PDIA5: variants seen among roughly 807,000 people sequenced by gnomAD.
The protein encoded by PDIA5 is protein disulfide isomerase family A member 5.
A neutral mutation model predicts 77.6 loss-of-function variants in PDIA5; 58 were observed. That is an observed-to-expected ratio of 0.75 (90% confidence interval 0.61 to 0.93). The LOEUF is 0.93. Ranked by LOEUF, PDIA5 falls within the 40% of genes least tolerant of loss-of-function variation. The pLI, the probability that PDIA5 is intolerant of heterozygous loss-of-function variation, is 0.00. For missense variants in PDIA5, 630 were observed against 647.7 expected, an observed-to-expected ratio of 0.97 and a Z score of 0.30; for synonymous variants, 250 against 252.1, an observed-to-expected ratio of 0.99 and a Z score of 0.08.
chr3:123,115,952 G>A (rs1934986923), intron 7 of PDIA5, among the ~76,000 whole-genome samples: 1 of 152,224 alleles, frequency 6.6e-6, no homozygotes, highest in Non-Finnish European at 1.5e-5. Context: ...TCTGGGCTCT[G>A]CTCTTCTCCC....
chr3:123,073,240 G>A (rs1313656193), intron 1 of PDIA5, among the ~76,000 whole-genome samples: 2 of 152,232 alleles, frequency 1.3e-5, no homozygotes, highest in East Asian at 3.9e-4. Flanking sequence ...CCTGGAGAGG[G>A]ATGGGTGGCT....
chr3:123,114,888 G>A (rs1210399580), intron 7 of PDIA5, among the ~76,000 whole-genome samples: 4 of 152,220 alleles, frequency 2.6e-5, no homozygotes, highest in African/African-American at 7.2e-5. Flanking sequence ...GTACTGGGGT[G>A]TGTGTGAGTC....
At chr3:123,125,388 G>A (rs1935219849) in intron 10 of PDIA5, among the ~76,000 whole-genome samples, 1 of 152,140 alleles carries the variant, frequency 6.6e-6, no homozygotes, top group African/African-American at 2.4e-5. Context: ...GGTCCCTGAG[G>A]CACAGTAAAG....
chr3:123,120,010 G>A (rs548916992), intron 8 of PDIA5, among the ~76,000 whole-genome samples: 9 of 152,228 alleles, frequency 5.9e-5, no homozygotes, highest in South Asian at 4.1e-4. Flanking sequence ...GTGACTCATC[G>A]CGTCTGTCCC....
intron 1 of PDIA5, among the ~76,000 whole-genome samples, chr3:123,086,373 C>G (rs1934138421): frequency 1.3e-5 from 2 of 152,190 alleles, no homozygotes; most frequent in Admixed American, 1.3e-4. Flanking sequence ...GGCATCTTAG[C>G]TATTGAGTGA....
chr3:123,151,951 T>G lies in PDIA5; in HGVS notation c.1273+1587T>G, dbSNP rs1045353111. ...TTCCTGCCTTCCTTCCTGCCTGCCTTCCTTCCTGCCTGCCTTCCTTCCTGC... is the reference window on the plus strand; with the variant it reads ...TTCCTGCCTTCCTTCCTGCCTGCCTGCCTTCCTGCCTGCCTTCCTTCCTGC... On this transcript the variant is annotated intron_variant, in intron 14 of 16. Coordinates refer to ENST00000316218, the MANE Select transcript of PDIA5 (RefSeq NM_006810.4). Among the ~76,000 whole-genome samples, 9 of 136,036 alleles carry G rather than the reference T, an allele frequency of 6.6e-5. No individual in the cohort carries two copies. The East Asian group carries it at 6.9e-4, about 10-fold the overall frequency. The allele number at this position is 136,036 out of a possible 152,430, so 89.2% of individuals were successfully genotyped here.
intron 7 of PDIA5, among the ~76,000 whole-genome samples, chr3:123,112,862 C>A (rs992608542): frequency 6.6e-6 from 1 of 152,050 alleles, no homozygotes. Flanking sequence ...GCCCGGCCCC[C>A]CAAGCCCTGT....
intron 1 of PDIA5, among the ~76,000 whole-genome samples, chr3:123,074,378 G>A (rs113524476): frequency 2.8e-4 from 42 of 152,170 alleles, no homozygotes; most frequent in Non-Finnish European, 5.0e-4. Flanking sequence ...CTAATTCAAG[G>A]AGTCAGGAAA....
intron 1 of PDIA5, among the ~76,000 whole-genome samples, chr3:123,069,656 G>A (rs887226089): frequency 2.6e-5 from 4 of 152,046 alleles, no homozygotes; most frequent in African/African-American, 9.7e-5. Context: ...GTTCTCTTGG[G>A]TCCCTTTTTC....
At chr3:123,100,566 G>C (rs1036227912) in intron 3 of PDIA5, among the ~76,000 whole-genome samples, 53 of 152,328 alleles carry the variant, frequency 3.5e-4, no homozygotes, top group African/African-American at 1.3e-3. Context: ...ATGGCTGGAA[G>C]CTGCAGTGGC....
Position 123,102,758 on chromosome 3 carries a change from G to A in PDIA5, c.349G>A (p.Ala117Thr). 6.2e-7 allele frequency: 1 copy of A among 1,608,904 alleles called. No homozygotes were observed. The highest frequency in any genetic ancestry group is 1.1e-5 in the South Asian group (1 of 90,962). Reference protein sequence around the residue: ...KVELFHYQDGAFHTEYNRAVT... With the variant: ...KVELFHYQDGTFHTEYNRAVT... ...TTTCTCCTCATTTGACAGGGATGGTGCATTTCATACTGAATATAACCGAGC... is the reference window on the plus strand; with the variant it reads ...TTTCTCCTCATTTGACAGGGATGGTACATTTCATACTGAATATAACCGAGC... The change falls in exon 5 of 17, where the codon GCA (alanine) becomes ACA (threonine). Residue 117 changes from alanine (A) to threonine (T), a missense_variant. Physicochemically the swap from Ala to Thr is moderately conservative, Grantham distance 58 (BLOSUM62 0). Transcript: ENST00000316218.
chr3:123,105,559 A>C (rs1038240231), intron 5 of PDIA5, among the ~76,000 whole-genome samples: 2 of 152,234 alleles, frequency 1.3e-5, no homozygotes, highest in Non-Finnish European at 2.9e-5. Flanking sequence ...GGCAGGAAGC[A>C]CTACCTGAAT....
In PDIA5 at chr3:123,153,228, TA is replaced by T. The variant is rs532790911; in HGVS notation, c.1274-1738del. Among the ~76,000 whole-genome samples, 481 of 152,294 alleles carry T rather than the reference TA, an allele frequency of 3.2e-3. 3 individuals carry two copies. Among genetic ancestry groups the T allele is most frequent in the African/African-American group, 0.011 (437 of 41,548 alleles). ...TTAGACTTTCAATGAACAAAGAGGT[TA>T]AAAAGGAAAAATTAATAGTGAAACC... On this transcript the variant is annotated intron_variant, in intron 14 of 16. Transcript: ENST00000316218.
intron 5 of PDIA5, among the ~76,000 whole-genome samples, chr3:123,106,118 T>C (rs1934724369): frequency 6.6e-6 from 1 of 152,208 alleles, no homozygotes; most frequent in East Asian, 1.9e-4. Flanking sequence ...ATGAGAAGTA[T>C]AGCAACAAGG....
At chr3:123,111,251 G>C (rs983835526) in intron 7 of PDIA5, among the ~76,000 whole-genome samples, 2 of 152,096 alleles carry the variant, frequency 1.3e-5, no homozygotes, top group African/African-American at 2.4e-5. Flanking sequence ...TCTTTATCCA[G>C]AGCTTCACCC....
intron 1 of PDIA5, among the ~76,000 whole-genome samples, chr3:123,075,547 C>G (rs1933831954): frequency 6.6e-6 from 1 of 152,100 alleles, no homozygotes; most frequent in South Asian, 2.1e-4. Flanking sequence ...GTTGAGCCTT[C>G]ACCAAGAGCC....
rs1330993488 is a variant in PDIA5, at chr3:123,156,220, C to T, written c.1344+1179C>T. 2.0e-5 allele frequency among the ~76,000 whole-genome samples: 3 copies of T among 152,202 alleles called. No homozygotes were observed. In the East Asian group the frequency reaches 5.8e-4, roughly 29 times the overall value. ...AAAGGAAGCCAGGCTGGGGACAGGCCCATGCAGGCAGAGTGGGGATGAACT... is the reference window on the plus strand; with the variant it reads ...AAAGGAAGCCAGGCTGGGGACAGGCTCATGCAGGCAGAGTGGGGATGAACT... On this transcript the variant is annotated intron_variant, in intron 15 of 16. Transcript: ENST00000316218.
intron 15 of PDIA5, among the ~76,000 whole-genome samples, chr3:123,156,810 G>T (rs1251005313): frequency 2.6e-5 from 3 of 115,796 alleles, no homozygotes; most frequent in Non-Finnish European, 5.3e-5. Flanking sequence ...GGGGGCTGGG[G>T]AAACCCTGAA....
chr3:123,085,920 G>A (rs964276516), intron 1 of PDIA5, among the ~76,000 whole-genome samples: 7 of 152,114 alleles, frequency 4.6e-5, no homozygotes, highest in African/African-American at 1.4e-4. Context: ...TCTGAAGTCC[G>A]TTAGCTCCCT....
Sources: allele counts gnomAD v4.1 joint callset (sites outside exome capture counted in the v4.1 genomes callset), GRCh38; gene constraint gnomAD v4.1.1; transcripts MANE v1.5; gene names NCBI Gene and HGNC (gene_info 2026-07-23, HGNC 2026-07-21).